Variants in SERPINB7 observed in about 807,000 individuals in gnomAD.
SERPINB7 encodes the protein serpin family B member 7.
Under a neutral mutation model 37.4 loss-of-function variants are expected in SERPINB7, and 31 were observed. The observed-to-expected ratio is 0.83, with a 90% CI of 0.62 to 1.12. The LOEUF (loss-of-function observed/expected upper bound fraction) is 1.12, where lower values mean the gene tolerates loss of function less well. Ranked by LOEUF, SERPINB7 falls within the 50% of genes most tolerant of loss-of-function variation. The probability of loss-of-function intolerance (pLI) is 0.00; values close to 1 mark genes in which losing one functional copy is unlikely to be tolerated. For synonymous variants in SERPINB7, 163 were observed against 166.1 expected (o/e 0.98, Z 0.14); for missense variants, 521 against 455.3 (o/e 1.14, Z -1.31).
intron 1 of SERPINB7, 67 bp from the exon 2 acceptor site, chr18:63,782,288 A>C: frequency 1.0e-6 from 1 of 986,180 alleles, no homozygotes; most frequent in Non-Finnish European, 1.4e-6. Context: ...AAAATAAATA[A>C]ATCTAAAAAT....
chr18:63,804,120 A>C (rs80032572), intron 7 of SERPINB7, 117 bp from the exon 8 acceptor site: 1 of 720,098 alleles, frequency 1.4e-6, no homozygotes, highest in Non-Finnish European at 2.2e-6. Flanking sequence ...ACATTCATGT[A>C]CTTGAACACA....
intron 1 of SERPINB7, among the ~76,000 whole-genome samples, chr18:63,768,471 T>C (rs2049192788): frequency 1.3e-5 from 2 of 152,134 alleles, no homozygotes; most frequent in African/African-American, 4.8e-5. Flanking sequence ...AGTGCTTATG[T>C]GCAGTTTCTT....
chr18:63,798,042 A>G (rs916254997), intron 5 of SERPINB7, among the ~76,000 whole-genome samples: 1 of 152,202 alleles, frequency 6.6e-6, no homozygotes, highest in Admixed American at 6.5e-5. Flanking sequence ...CTGGTGGGTT[A>G]CAACTGCTCT....
Position 63,804,749 on chromosome 18 carries a change from C to T in SERPINB7, c.*114C>T, listed in dbSNP as rs2049590123. ...GTGTTTCCTTTGAGTTTATTTCTTC[C>T]TAACATTGGTCAGCAGATGACACTG... On this transcript the variant is annotated 3_prime_UTR_variant, in exon 8 of 8. Transcript: ENST00000398019. The T allele has an allele frequency of 2.6e-6, 3 of 1,134,902 alleles. No homozygotes were observed. In the East Asian group the frequency reaches 7.3e-5, roughly 28 times the overall value. 70.3% of individuals were successfully genotyped at this position (1,134,902 alleles called of 1,614,324 possible). A position where few individuals can be genotyped will look rare whatever the true frequency, so the allele number is the denominator to read the frequency against.
At chr18:63,766,059 G>C (rs1207659408) in intron 1 of SERPINB7, among the ~76,000 whole-genome samples, 2 of 152,056 alleles carry the variant, frequency 1.3e-5, no homozygotes, top group African/African-American at 4.8e-5. Context: ...ACATTCCAGG[G>C]AAGAGCAGTG....
intron 2 of SERPINB7, among the ~76,000 whole-genome samples, chr18:63,791,780 T>G (rs956055416): frequency 1.3e-5 from 2 of 151,556 alleles, no homozygotes; most frequent in South Asian, 2.1e-4. Context: ...CCAGCTAATT[T>G]TTTGTATTTT....
rs575230245 is a variant in SERPINB7 at position 63,781,631 on chromosome 18, T to G, written c.-18-724T>G. On this transcript the variant is annotated intron_variant, in intron 1 of 7. Transcript: ENST00000398019. ...ATTCCATGGTGGTAGCAACCGTCTG[T>G]ATTGCAGAAACAACATCATGAATTT... is the stretch of plus-strand genomic sequence containing the variant. Among the ~76,000 whole-genome samples, 28 of 152,356 alleles carry G rather than the reference T, an allele frequency of 1.8e-4. No individual in the cohort carries two copies. The South Asian group carries it at 5.8e-3, about 32-fold the overall frequency.
In SERPINB7 at chr18:63,801,052, C is replaced by A. The variant is rs760473807; in HGVS notation, c.744+40C>A. The stretch of plus-strand genomic sequence containing the variant: ...TCATTTTCACTATTGGGAAATAAGA[C>A]TTTTAGGATACTGTTGATTGAGTTT... On this transcript the variant is annotated intron_variant, in intron 7 of 7. Transcript: ENST00000398019. 3.1e-6 allele frequency: 5 copies of A among 1,596,646 alleles called. No individual in the cohort carries two copies. In the African/African-American group the frequency reaches 4.0e-5, roughly 13 times the overall value.
chr18:63,782,903 C>T (rs2049315578), intron 2 of SERPINB7, among the ~76,000 whole-genome samples: 1 of 151,950 alleles, frequency 6.6e-6, no homozygotes, highest in Admixed American at 6.5e-5. Context: ...CTTTGGGAGG[C>T]CGAGGCGGGC....
intron 1 of SERPINB7, among the ~76,000 whole-genome samples, chr18:63,758,145 C>T (rs1105578): frequency 0.033 from 4,970 of 152,274 alleles, 127 homozygotes; most frequent in African/African-American, 0.066. Context: ...CATACTGTAT[C>T]ATTGTCATTG....
chr18:63,796,820 T>C (rs1240768482), intron 5 of SERPINB7, among the ~76,000 whole-genome samples: 1 of 152,224 alleles, frequency 6.6e-6, no homozygotes, highest in Non-Finnish European at 1.5e-5. Context: ...ATAATCAACC[T>C]ATTTTTTAAA....
chr18:63,760,434 A>C (rs985844034), intron 1 of SERPINB7, among the ~76,000 whole-genome samples: 6 of 151,770 alleles, frequency 4.0e-5, no homozygotes, highest in African/African-American at 1.5e-4. Flanking sequence ...TTGCAGCCTG[A>C]CTATGTGATA....
intron 4 of SERPINB7, among the ~76,000 whole-genome samples, chr18:63,793,645 C>G (rs2049453031): frequency 6.6e-6 from 1 of 152,124 alleles, no homozygotes; most frequent in Non-Finnish European, 1.5e-5. Context: ...GCTGTGACCA[C>G]AGGTGCATGC....
At chr18:63,767,110 TGGACCTACACA>T (rs1374333138) in intron 1 of SERPINB7, among the ~76,000 whole-genome samples, 5 of 151,986 alleles carry the variant, frequency 3.3e-5, no homozygotes, top group Admixed American at 2.6e-4. Flanking sequence ...TGGATAACCA[TGGACCTACACA>T]GGTCCAGTTG....
chr18:63,799,842 T>C (rs576788332), intron 6 of SERPINB7, among the ~76,000 whole-genome samples: 4 of 152,252 alleles, frequency 2.6e-5, no homozygotes, highest in Admixed American at 2.6e-4. Flanking sequence ...ATGTAGGATG[T>C]TTTTTCCTAA....
chr18:63,772,990 G>T (rs572818065), upstream of SERPINB7, among the ~76,000 whole-genome samples: 1 of 152,228 alleles, frequency 6.6e-6, no homozygotes, highest in African/African-American at 2.4e-5. Flanking sequence ...AGAATCAGAA[G>T]AAGGAGGAGG....
intron 1 of SERPINB7, among the ~76,000 whole-genome samples, chr18:63,781,835 T>C (rs560224509): frequency 6.6e-6 from 1 of 152,326 alleles, no homozygotes; most frequent in East Asian, 1.9e-4. Context: ...TGATGCATAA[T>C]ACTTAAAATT....
chr18:63,776,962 C>T (rs931569976), intron 1 of SERPINB7, among the ~76,000 whole-genome samples: 6 of 151,920 alleles, frequency 3.9e-5, no homozygotes, highest in Admixed American at 3.9e-4. Flanking sequence ...GCATATTCAC[C>T]TTAGAGAGCT....
At position 63,756,804 on chromosome 18, in the gene SERPINB7, TTGTGTGTG is replaced by T. The variant is rs74169985; in HGVS notation, c.-19+3718_-19+3725del. Among the ~76,000 whole-genome samples, 105 of 137,342 alleles carry T rather than the reference TTGTGTGTG, an allele frequency of 7.6e-4. 1 individual carries two copies. The highest frequency in any genetic ancestry group is 1.2e-3 in the African/African-American group (45 of 37,344). The allele number at this position is 137,342 out of a possible 152,430, so 90.1% of individuals were successfully genotyped here. A position where few individuals can be genotyped will look rare whatever the true frequency, so the allele number is the denominator to read the frequency against. On this transcript the variant is annotated intron_variant, in intron 1 of 7. Coordinates refer to the SERPINB7 transcript ENST00000336429. Reference sequence around the variant, plus strand: ...GTTGTTTCCAGGGTCTTGGGGTAGCTTGTGTGTGTGTGTGTGTGTGTGTGTGTGTGTGT... The same window carrying T: ...GTTGTTTCCAGGGTCTTGGGGTAGCTTGTGTGTGTGTGTGTGTGTGTGTGT...
Sources: gnomAD v4.1 joint callset for allele counts (sites outside exome capture counted in the v4.1 genomes callset) on GRCh38, gnomAD v4.1.1 for gene constraint, MANE v1.5 for transcripts, NCBI Gene and HGNC (gene_info 2026-07-23, HGNC 2026-07-21) for gene names.